Variants in SYBU observed in about 807,000 individuals in gnomAD.
SYBU encodes the protein syntabulin, also known as GOLSYN A protein.
A neutral mutation model predicts 35.9 loss-of-function variants in SYBU; 21 were observed. The ratio of observed to expected loss-of-function variants is 0.58; its 90% confidence interval spans 0.41 to 0.84. The LOEUF (loss-of-function observed/expected upper bound fraction) is 0.84. SYBU is among the 40% of genes least tolerant of loss of function. SYBU has a pLI of 0.00. For synonymous variants in SYBU, 319 were observed against 324.3 expected (o/e 0.98, Z 0.18); for missense variants, 768 against 848.2 (o/e 0.91, Z 1.17).
chr8:109,683,260 T>C (rs1817444928), upstream of SYBU, among the ~76,000 whole-genome samples: 1 of 151,940 alleles, frequency 6.6e-6, no homozygotes, highest in South Asian at 2.1e-4. Flanking sequence ...CAGCCAGGAG[T>C]TGGGCTGTCT....
At chr8:109,682,131 A>G (rs1817414017), upstream of SYBU, among the ~76,000 whole-genome samples, 2 of 152,186 alleles carry the variant, frequency 1.3e-5, no homozygotes, top group African/African-American at 4.8e-5. Flanking sequence ...AATACAGTAA[A>G]TTGGTACCTG....
At chr8:109,645,633 G>GTTTTTTTTTT (rs77642059), upstream of SYBU, 156 of 230,820 alleles carry the variant, frequency 6.8e-4, 3 homozygotes, top group African/African-American at 2.4e-3. Flanking sequence ...TTCGTTTTTT[G>GTTTTTTTTTT]TTTTTTTTTT....
At chr8:109,630,205 T>C (rs557443809) in intron 2 of SYBU, among the ~76,000 whole-genome samples, 1 of 139,630 alleles carries the variant, frequency 7.2e-6, no homozygotes, top group Non-Finnish European at 1.5e-5. Context: ...TTCTCACTCA[T>C]AGGTGGGAAT....
intron 1 of SYBU, among the ~76,000 whole-genome samples, chr8:109,690,382 G>T (rs530175285): frequency 5.3e-5 from 8 of 152,308 alleles, no homozygotes; most frequent in African/African-American, 1.7e-4. Context: ...GCCTACTGAA[G>T]AATCTGATCT....
intron 1 of SYBU, among the ~76,000 whole-genome samples, chr8:109,674,192 T>C (rs984907890): frequency 1.3e-5 from 2 of 150,532 alleles, no homozygotes; most frequent in African/African-American, 4.9e-5. Context: ...ACCACAAAGA[T>C]ACTCCTCGAG....
intron 3 of SYBU, among the ~76,000 whole-genome samples, chr8:109,593,265 G>A (rs573703475): frequency 3.2e-4 from 49 of 152,346 alleles, no homozygotes; most frequent in African/African-American, 1.1e-3. Context: ...AATTGCAAGA[G>A]CTCTCTTCAG....
chr8:109,602,873 T>G (rs1439328920), intron 3 of SYBU, among the ~76,000 whole-genome samples: 1 of 152,198 alleles, frequency 6.6e-6, no homozygotes, highest in East Asian at 1.9e-4. Flanking sequence ...GGGTTGTTTT[T>G]AACCCTGACA....
chr8:109,644,557 G>A, intron 1 of SYBU, 79 bp downstream of exon 1: 1 of 1,473,830 alleles, frequency 6.8e-7, no homozygotes, highest in Non-Finnish European at 9.2e-7. Context: ...CACCCCTCCA[G>A]CTCTCATCCC....
At chr8:109,670,393 AT>A (rs1816936376) in intron 1 of SYBU, among the ~76,000 whole-genome samples, 3 of 151,742 alleles carry the variant, frequency 2.0e-5, no homozygotes, top group South Asian at 2.1e-4. Flanking sequence ...AAATAAAAAA[AT>A]AAAAAATAAA....
rs559729978 is a variant in SYBU at position 109,610,739 on chromosome 8, C to T, written c.427+8103G>A. ...CCATGCAACAGATTGTACCAGCAGA[C>T]AGTGAGGTCCAGGTATTTATCCCTC... On this transcript the variant is annotated intron_variant, in intron 3 of 6. Coordinates refer to ENST00000276646, the MANE Select transcript of SYBU (RefSeq NM_001099754.2). 5.3e-5 allele frequency among the ~76,000 whole-genome samples: 8 copies of T among 152,326 alleles called. No homozygotes were observed. In the East Asian group the frequency reaches 1.5e-3, roughly 29 times the overall value.
At chr8:109,590,998 C>T (rs904592488) in intron 3 of SYBU, among the ~76,000 whole-genome samples, 1 of 152,126 alleles carries the variant, frequency 6.6e-6, no homozygotes, top group East Asian at 1.9e-4. Context: ...GTGAATTATG[C>T]TACATGCATA....
chr8:109,690,584 G>A (rs3108855), intron 1 of SYBU, among the ~76,000 whole-genome samples: 1 of 152,082 alleles, frequency 6.6e-6, no homozygotes, highest in Non-Finnish European at 1.5e-5. Context: ...GCTGGACACT[G>A]GGGAAGATAA....
At chr8:109,688,781 A>AG (rs1554630459) in intron 1 of SYBU, among the ~76,000 whole-genome samples, 41 of 151,732 alleles carry the variant, frequency 2.7e-4, no homozygotes, top group African/African-American at 3.6e-4. Flanking sequence ...TAAAAAAAAA[A>AG]AGAGAGAGAA....
At chr8:109,677,224 G>A (rs750725492) in intron 1 of SYBU, among the ~76,000 whole-genome samples, 1 of 151,984 alleles carries the variant, frequency 6.6e-6, no homozygotes, top group South Asian at 2.1e-4. Context: ...TACTCTAAAA[G>A]TAATACATAC....
chr8:109,674,253 A>AG (rs1563776258), intron 1 of SYBU, among the ~76,000 whole-genome samples: 1 of 150,606 alleles, frequency 6.6e-6, no homozygotes, highest in Non-Finnish European at 1.5e-5. Flanking sequence ...GTTGAAATGA[A>AG]AAAAAAAAAA....
At chr8:109,615,368 G>A (rs1385196411) in intron 3 of SYBU, among the ~76,000 whole-genome samples, 1 of 152,108 alleles carries the variant, frequency 6.6e-6, no homozygotes. Flanking sequence ...ATCCTCTTGT[G>A]TTTTAACAGA....
chr8:109,630,685 A>G (rs1813515505), intron 2 of SYBU, among the ~76,000 whole-genome samples: 1 of 152,230 alleles, frequency 6.6e-6, no homozygotes, highest in African/African-American at 2.4e-5. Context: ...AATTGGAGAA[A>G]AATGGGTTTA....
chr8:109,658,989 A>C (rs982489941), intron 1 of SYBU, among the ~76,000 whole-genome samples: 5 of 152,120 alleles, frequency 3.3e-5, no homozygotes, highest in African/African-American at 4.8e-5. Context: ...AACAACAAAA[A>C]AAACCTTCTG....
intron 3 of SYBU, among the ~76,000 whole-genome samples, chr8:109,598,549 T>C (rs1335613576): frequency 2.0e-5 from 3 of 152,224 alleles, no homozygotes; most frequent in Non-Finnish European, 4.4e-5. Context: ...AACGCCATAA[T>C]ATGAACTACT....
Sources: gnomAD v4.1 joint callset for allele counts (sites outside exome capture counted in the v4.1 genomes callset) on GRCh38, gnomAD v4.1.1 for gene constraint, MANE v1.5 for transcripts, NCBI Gene and HGNC (gene_info 2026-07-23, HGNC 2026-07-21) for gene names.